VPS13D: variants seen among roughly 807,000 people sequenced by gnomAD.
The protein encoded by VPS13D is vacuolar protein sorting 13 homolog D.
VPS13D carries 187 observed loss-of-function variants against 461.9 expected under a neutral mutation model. That is an observed-to-expected ratio of 0.40 (90% CI 0.36 to 0.46). The LOEUF is 0.46. VPS13D is among the 20% of genes least tolerant of loss of function. The pLI is 0.60. For synonymous variants in VPS13D, 1,951 were observed against 1,986.3 expected (o/e 0.98, Z 0.47); for missense variants, 4,711 against 5,364.9 (o/e 0.88, Z 3.81).
intron 65 of VPS13D, among the ~76,000 whole-genome samples, chr1:12,442,255 A>C (rs889836595): frequency 7.9e-5 from 12 of 152,224 alleles, no homozygotes; most frequent in Non-Finnish European, 4.4e-5. Flanking sequence ...ATATTATTTC[A>C]ATATGTAATC....
At chr1:12,361,405 T>A (rs868858037) in intron 50 of VPS13D, among the ~76,000 whole-genome samples, 4 of 143,620 alleles carry the variant, frequency 2.8e-5, no homozygotes, top group African/African-American at 1.1e-4. Context: ...ATTTATTTAT[T>A]TTTTTTTTGA....
chr1:12,505,238 C>T lies in VPS13D; in HGVS notation c.12795-1615C>T, dbSNP rs1357957016. On this transcript the variant is annotated intron_variant, in intron 68 of 69. Coordinates refer to ENST00000620676, the MANE Select transcript of VPS13D (RefSeq NM_015378.4). The surrounding 1 kb of genome is among the most constrained non-coding windows in gnomAD (Gnocchi z 4.2). ...CAGGATCATTTTTATCCCTCTCTGTCTGTCTTTCTGTCTTTCCCTGTGCCC... is the reference window on the plus strand; with the variant it reads ...CAGGATCATTTTTATCCCTCTCTGTTTGTCTTTCTGTCTTTCCCTGTGCCC... Among the ~76,000 whole-genome samples, 1 of 151,736 alleles carries T rather than the reference C, an allele frequency of 6.6e-6. No individual in the cohort carries two copies. Among genetic ancestry groups the T allele is most frequent in the Non-Finnish European group, 1.5e-5 (1 of 68,042 alleles).
intron 67 of VPS13D, among the ~76,000 whole-genome samples, chr1:12,471,717 G>T (rs1460964264): frequency 6.6e-6 from 1 of 152,040 alleles, no homozygotes; most frequent in African/African-American, 2.4e-5. Flanking sequence ...AGTATTCCCA[G>T]TGAAGCCCCC....
intron 24 of VPS13D, among the ~76,000 whole-genome samples, chr1:12,294,279 G>C (rs1245356647): frequency 6.6e-6 from 1 of 152,226 alleles, no homozygotes; most frequent in Non-Finnish European, 1.5e-5. Context: ...GTATGTGCCT[G>C]TTAGGTATTG....
intron 63 of VPS13D, among the ~76,000 whole-genome samples, chr1:12,406,405 C>T (rs1644655598): frequency 6.6e-6 from 1 of 152,046 alleles, no homozygotes; most frequent in South Asian, 2.1e-4. Context: ...ACAGGAGTCA[C>T]GAGAGCCTGA....
At chr1:12,390,842 T>A (rs1470864593) in intron 60 of VPS13D, among the ~76,000 whole-genome samples, 1 of 152,196 alleles carries the variant, frequency 6.6e-6, no homozygotes, top group Non-Finnish European at 1.5e-5. Context: ...ATGGCCACTT[T>A]GTTCATAGTC....
chr1:12,432,405 A>G (rs1299970595), intron 65 of VPS13D, among the ~76,000 whole-genome samples: 1 of 151,900 alleles, frequency 6.6e-6, no homozygotes, highest in Non-Finnish European at 1.5e-5. Context: ...AAAAAAAAAA[A>G]AAAAGAAAAG....
intron 52 of VPS13D, among the ~76,000 whole-genome samples, chr1:12,363,951 CAAAAAAA>C (rs70987247): frequency 1.3e-4 from 6 of 44,582 alleles, no homozygotes; most frequent in Non-Finnish European, 2.2e-4. Context: ...GACTCTATCT[CAAAAAAA>C]AAAAAAAAAA....
chr1:12,271,869 G>GGATGCC (rs1469947006), intron 17 of VPS13D, among the ~76,000 whole-genome samples: 1 of 152,172 alleles, frequency 6.6e-6, no homozygotes, highest in Non-Finnish European at 1.5e-5. Context: ...GGATGCCATA[G>GGATGCC]ATAGGGAGGG....
At chr1:12,441,319 C>T (rs1645127904) in intron 65 of VPS13D, among the ~76,000 whole-genome samples, 2 of 152,164 alleles carry the variant, frequency 1.3e-5, no homozygotes, top group Non-Finnish European at 2.9e-5. Flanking sequence ...ATCTCTATTG[C>T]ACTCGAACTG....
intron 65 of VPS13D, among the ~76,000 whole-genome samples, chr1:12,431,862 G>A (rs979847038): frequency 6.6e-6 from 1 of 152,002 alleles, no homozygotes; most frequent in Admixed American, 6.6e-5. Flanking sequence ...CCTGAAAGCA[G>A]AACAAGACCT....
intron 9 of VPS13D, 82 bp downstream of exon 9, chr1:12,257,169 G>C (rs1024583818): frequency 1.6e-6 from 2 of 1,229,878 alleles, no homozygotes; most frequent in African/African-American, 3.0e-5. Context: ...ATGCCTCACT[G>C]TCCTTTACCC....
At chr1:12,492,193 G>A (rs183759839) in intron 67 of VPS13D, among the ~76,000 whole-genome samples, 43 of 152,358 alleles carry the variant, frequency 2.8e-4, no homozygotes, top group Admixed American at 2.2e-3. Context: ...TCGTTTAGAC[G>A]TTGATCTGCT....
intron 44 of VPS13D, among the ~76,000 whole-genome samples, chr1:12,347,369 A>G (rs1217440748): frequency 6.6e-6 from 1 of 152,084 alleles, no homozygotes; most frequent in Non-Finnish European, 1.5e-5. Flanking sequence ...ATGGGGTTTC[A>G]CCGTGTTAGC....
Position 12,442,424 on chromosome 1 carries a change from C to G in VPS13D, c.12334-13574C>G, listed in dbSNP as rs910429185. On this transcript the variant is annotated intron_variant, in intron 65 of 69. Transcript: ENST00000620676. ...AGTGTGGCTGTAAACGAAGGTGAAA[C>G]TAAAGTTACATGAAACAAACTTATA... is the stretch of plus-strand genomic sequence containing the variant. Among the ~76,000 whole-genome samples, 3 of 152,074 alleles carry G rather than the reference C, an allele frequency of 2.0e-5. No individual in the cohort carries two copies. In the South Asian group the frequency reaches 6.2e-4, roughly 32 times the overall value.
intron 54 of VPS13D, among the ~76,000 whole-genome samples, chr1:12,370,357 A>G (rs952085403): frequency 1.3e-5 from 2 of 152,256 alleles, no homozygotes; most frequent in African/African-American, 4.8e-5. Flanking sequence ...GGCCAATTTT[A>G]AAGTGTATCT....
At chr1:12,278,907 C>T (rs1049538977) in intron 19 of VPS13D, among the ~76,000 whole-genome samples, 2 of 152,196 alleles carry the variant, frequency 1.3e-5, no homozygotes, top group African/African-American at 2.4e-5. Context: ...GGTCTTGGCA[C>T]GCAGAGATCA....
intron 67 of VPS13D, among the ~76,000 whole-genome samples, chr1:12,469,317 G>T (rs1038176131): frequency 6.6e-6 from 1 of 152,138 alleles, no homozygotes; most frequent in South Asian, 2.1e-4. Flanking sequence ...TTTTATAATA[G>T]TATTCTCTAA....
Position 12,311,862 on chromosome 1 carries a change from T to G in VPS13D, c.6872T>G (p.Met2291Arg). The change falls in exon 29 of 70, where the codon ATG becomes AGG. Residue 2291 changes from methionine to arginine, a missense_variant. Met to Arg is a moderately conservative substitution (Grantham distance 91). This residue lies in a region of VPS13D where 4,411 missense variants were observed against 4,937.8 expected (regional missense o/e 0.89). Coordinates refer to ENST00000620676, the MANE Select transcript of VPS13D (RefSeq NM_015378.4). ...VYTCMCFLID[M>R]VNVSLELKDP... ...ACCTGTATGTGCTTCCTCATTGATA[T>G]GGTGAATGTAAGTCTGGAGCTTAAA... is the stretch of plus-strand genomic sequence containing the variant. 3 of 1,614,202 alleles carry G rather than the reference T, an allele frequency of 1.9e-6. No homozygotes were observed. The highest frequency in any genetic ancestry group is 2.5e-6 in the Non-Finnish European group (3 of 1,180,024).
Sources: allele counts gnomAD v4.1 joint callset (sites outside exome capture counted in the v4.1 genomes callset), GRCh38; gene constraint gnomAD v4.1.1; regional missense constraint gnomAD v4.1.1; non-coding constraint Gnocchi (gnomAD v3.1); transcripts MANE v1.5; gene names NCBI Gene and HGNC (gene_info 2026-07-23, HGNC 2026-07-21).